The following OLFM3 variants were observed in gnomAD, a reference collection of about 807,000 sequenced individuals.
The protein encoded by OLFM3 is noelin-3.
In OLFM3, 20 loss-of-function variants were observed where a neutral mutation model predicts 48.6. The ratio of observed to expected loss-of-function variants is 0.41; its 90% CI spans 0.29 to 0.60. OLFM3 has a LOEUF of 0.60. OLFM3 is among the 20% of genes least tolerant of loss of function. The pLI, the probability that OLFM3 is intolerant of heterozygous loss-of-function variation, is 0.28. For missense variants in OLFM3, 437 were observed against 544.3 expected (o/e 0.80, Z 1.96); for synonymous variants, 222 against 198.1 (o/e 1.12, Z -1.01).
intron 1 of OLFM3, among the ~76,000 whole-genome samples, chr1:101,848,068 A>G (rs1656081834): frequency 6.6e-6 from 1 of 152,160 alleles, no homozygotes; most frequent in Admixed American, 6.5e-5. Flanking sequence ...TCCAGGGTTT[A>G]TGGGTAACTT....
intron 1 of OLFM3, among the ~76,000 whole-genome samples, chr1:101,841,687 G>C (rs183246913): frequency 2.0e-5 from 3 of 152,210 alleles, no homozygotes; most frequent in African/African-American, 7.2e-5. Flanking sequence ...TCTAGATGGA[G>C]GGACAGGCAA....
intron 1 of OLFM3, among the ~76,000 whole-genome samples, chr1:101,900,379 G>A (rs1658351405): frequency 6.6e-6 from 1 of 152,134 alleles, no homozygotes; most frequent in Non-Finnish European, 1.5e-5. Context: ...TTTCCCAGAG[G>A]AAGTAATATT....
intron 4 of OLFM3, among the ~76,000 whole-genome samples, chr1:101,812,199 TG>T (rs1406355183): frequency 6.9e-6 from 1 of 145,586 alleles, no homozygotes; most frequent in Non-Finnish European, 1.5e-5. Context: ...GTGGGGGGAG[TG>T]GGGAGGGATA....
intron 1 of OLFM3, among the ~76,000 whole-genome samples, chr1:101,955,164 T>G (rs1432410917): frequency 1.3e-5 from 2 of 152,000 alleles, no homozygotes; most frequent in Non-Finnish European, 2.9e-5. Context: ...ATATCGTCAT[T>G]GGAGATCCAA....
intron 1 of OLFM3, among the ~76,000 whole-genome samples, chr1:101,930,273 A>G (rs924171283): frequency 2.0e-5 from 3 of 152,218 alleles, no homozygotes; most frequent in African/African-American, 7.2e-5. Context: ...TAGTTATTAG[A>G]TAAGGCAAGT....
At chr1:101,810,337 GA>G (rs1050428955) in intron 4 of OLFM3, among the ~76,000 whole-genome samples, 1 of 151,542 alleles carries the variant, frequency 6.6e-6, no homozygotes, top group African/African-American at 2.4e-5. Context: ...AATAATTGAA[GA>G]AAAAAAGCAT....
chr1:101,914,667 G>A (rs1470575041), intron 1 of OLFM3, among the ~76,000 whole-genome samples: 1 of 152,194 alleles, frequency 6.6e-6, no homozygotes, highest in Non-Finnish European at 1.5e-5. Flanking sequence ...TGATGAAGTG[G>A]GGATAAGTGC....
At chr1:101,975,511 G>A (rs1392566543) in intron 1 of OLFM3, among the ~76,000 whole-genome samples, 2 of 151,610 alleles carry the variant, frequency 1.3e-5, no homozygotes, top group African/African-American at 2.4e-5. Flanking sequence ...TTCTTTTAAA[G>A]GAACAGGGTT....
chr1:101,829,993 C>A (rs188923572), intron 3 of OLFM3, among the ~76,000 whole-genome samples: 2,502 of 152,104 alleles, frequency 0.016, 36 homozygotes, highest in Non-Finnish European at 0.021. Context: ...CACCACCACA[C>A]CCGGCTAATT....
intron 1 of OLFM3, among the ~76,000 whole-genome samples, chr1:101,841,448 T>G (rs1314003642): frequency 1.3e-5 from 2 of 152,230 alleles, no homozygotes; most frequent in Admixed American, 6.5e-5. Context: ...TTTGGATAAA[T>G]GTAGATAGAT....
At chr1:101,942,574 A>G (rs1014675551) in intron 1 of OLFM3, among the ~76,000 whole-genome samples, 25 of 152,182 alleles carry the variant, frequency 1.6e-4, no homozygotes, top group African/African-American at 5.8e-4. Flanking sequence ...CATCATTGTT[A>G]TATAGAACAG....
chr1:101,843,999 T>A (rs371910895), intron 1 of OLFM3, among the ~76,000 whole-genome samples: 2 of 152,218 alleles, frequency 1.3e-5, no homozygotes, highest in East Asian at 3.8e-4. Flanking sequence ...AGAACATTGA[T>A]GAGAAGAGCT....
chr1:101,911,296 C>A (rs1403595006), intron 1 of OLFM3, among the ~76,000 whole-genome samples: 1 of 152,012 alleles, frequency 6.6e-6, no homozygotes, highest in Non-Finnish European at 1.5e-5. Context: ...TTAACTTACA[C>A]AGAAAAAGTA....
chr1:101,981,490 T>C (rs1661104861), intron 1 of OLFM3, among the ~76,000 whole-genome samples: 1 of 152,226 alleles, frequency 6.6e-6, no homozygotes, highest in Admixed American at 6.5e-5. Context: ...TTCTCATTTC[T>C]TTTACAGCAA....
chr1:101,909,727 T>A (rs991387154), intron 1 of OLFM3, among the ~76,000 whole-genome samples: 1 of 152,236 alleles, frequency 6.6e-6, no homozygotes, highest in Non-Finnish European at 1.5e-5. Context: ...TACAGTTAGA[T>A]AGTTATACTG....
chr1:101,825,068 G>T lies in OLFM3; in HGVS notation c.550C>A (p.Leu184Met). The T allele has an allele frequency of 1.2e-6, 2 of 1,614,112 alleles. No individual in the cohort carries two copies. Among genetic ancestry groups the T allele is most frequent in the Non-Finnish European group, 1.7e-6 (2 of 1,179,982 alleles). The change falls in exon 4 of 6, where the codon CTG (leucine) becomes ATG (methionine). Residue 184 changes from leucine to methionine, a missense_variant. Physicochemically the swap from Leu to Met is conservative, Grantham distance 15. Coordinates refer to ENST00000370103, the MANE Select transcript of OLFM3 (RefSeq NM_058170.4). ...TCACGAAGTCTTGTTTCCAAGCTCA[G>T]CACTCTTTGGTGTAGTTCCTCGTAG... The part of the protein sequence containing the change: ...YDYEELHQRV[L>M]SLETRLRDCM...
intron 1 of OLFM3, among the ~76,000 whole-genome samples, chr1:101,938,506 T>A (rs1013580664): frequency 6.6e-6 from 1 of 152,206 alleles, no homozygotes; most frequent in African/African-American, 2.4e-5. Flanking sequence ...TGTGCCCCGT[T>A]ATTTACCTGG....
chr1:101,903,057 T>C (rs897676592), intron 1 of OLFM3, among the ~76,000 whole-genome samples: 6 of 152,124 alleles, frequency 3.9e-5, no homozygotes, highest in African/African-American at 1.4e-4. Context: ...AGTGTGGTTT[T>C]GTGAGTACTT....
chr1:101,823,050 G>A (rs1355349575), intron 4 of OLFM3, among the ~76,000 whole-genome samples: 3 of 152,018 alleles, frequency 2.0e-5, no homozygotes, highest in African/African-American at 4.8e-5. Flanking sequence ...GTTGAAAAGT[G>A]TAGAAATTAT....
Sources: gnomAD v4.1 joint callset for allele counts (sites outside exome capture counted in the v4.1 genomes callset) on GRCh38, gnomAD v4.1.1 for gene constraint, MANE v1.5 for transcripts, NCBI Gene and HGNC (gene_info 2026-07-23, HGNC 2026-07-21) for gene names.